Variants in TFEC observed in about 807,000 individuals in gnomAD.
The protein encoded by TFEC is class E basic helix-loop-helix protein 34.
In TFEC, 31 loss-of-function variants were observed where a neutral mutation model predicts 41.6. The ratio of observed to expected loss-of-function variants is 0.74; its 90% confidence interval spans 0.56 to 1.01. The LOEUF (loss-of-function observed/expected upper bound fraction) is 1.01, where lower values mean the gene tolerates loss of function less well. TFEC is among the 50% of genes least tolerant of loss of function. TFEC has a pLI of 0.00. For missense variants in TFEC, 402 were observed against 404.1 expected, an observed-to-expected ratio of 0.99 and a Z score of 0.04; for synonymous variants, 143 against 140.6, an observed-to-expected ratio of 1.02 and a Z score of -0.12.
At chr7:115,954,044 T>C (rs1792086427) in intron 5 of TFEC, among the ~76,000 whole-genome samples, 1 of 152,080 alleles carries the variant, frequency 6.6e-6, no homozygotes, top group Admixed American at 6.6e-5. Context: ...AATCTACTTT[T>C]CTTGCCCGAT....
At position 115,938,298 on chromosome 7, in the gene TFEC, G is replaced by A. The variant is rs992193374; in HGVS notation, c.*2253C>T. ...AAGCCAGTCTCTATCTAATAAAGTG[G>A]TGTGTTTTCTATGAACTCCAAAATA... On this transcript the variant is annotated 3_prime_UTR_variant, in exon 8 of 8. Coordinates refer to ENST00000265440, the MANE Select transcript of TFEC (RefSeq NM_012252.4). 1.3e-5 allele frequency: 2 copies of A among 151,912 alleles called. No homozygotes were observed. Among genetic ancestry groups the A allele is most frequent in the African/African-American group, 4.8e-5 (2 of 41,430 alleles). The allele number at this position is 151,912 out of a possible 1,614,324, so 9.4% of individuals were successfully genotyped here.
chr7:116,092,351 G>C (rs151192339), intron 3 of TFEC, among the ~76,000 whole-genome samples: 1 of 152,154 alleles, frequency 6.6e-6, no homozygotes, highest in Non-Finnish European at 1.5e-5. Context: ...GACTCCATTT[G>C]ATTAGCTGTA....
chr7:116,106,242 G>T (rs1797714019), intron 3 of TFEC, among the ~76,000 whole-genome samples: 1 of 152,054 alleles, frequency 6.6e-6, no homozygotes, highest in Admixed American at 6.6e-5. Flanking sequence ...ACATTACAAG[G>T]TCTCATGAAG....
At chr7:116,093,735 G>A (rs927940956) in intron 3 of TFEC, among the ~76,000 whole-genome samples, 3 of 152,000 alleles carry the variant, frequency 2.0e-5, no homozygotes, top group African/African-American at 7.3e-5. Flanking sequence ...CCAAAGTTCC[G>A]ATAGGGAAAG....
chr7:115,950,828 G>A (rs541455458), intron 6 of TFEC, 46 bp downstream of exon 6: 2 of 1,424,202 alleles, frequency 1.4e-6, no homozygotes, highest in Non-Finnish European at 1.9e-6. Flanking sequence ...TCATTTTGGG[G>A]GTCTTTAAAT....
At chr7:116,047,357 T>C (rs6976839) in intron 3 of TFEC, among the ~76,000 whole-genome samples, 29,266 of 152,124 alleles carry the variant, frequency 0.19, 2,849 homozygotes, top group East Asian at 0.32. Context: ...GATTATATCC[T>C]GCACCTGGCT....
At chr7:115,971,339 G>A (rs942220669) in intron 3 of TFEC, among the ~76,000 whole-genome samples, 1 of 151,012 alleles carries the variant, frequency 6.6e-6, no homozygotes, top group Non-Finnish European at 1.5e-5. Context: ...TTGAGAATCA[G>A]AAAATCCTGA....
intron 6 of TFEC, among the ~76,000 whole-genome samples, chr7:115,946,462 C>A (rs1327862906): frequency 1.3e-5 from 2 of 149,180 alleles, no homozygotes; most frequent in African/African-American, 4.9e-5. Context: ...ACCACCCAGG[C>A]TGGAATGCAG....
intron 2 of TFEC, among the ~76,000 whole-genome samples, chr7:115,981,805 C>T (rs112300876): frequency 6.6e-6 from 1 of 151,758 alleles, no homozygotes; most frequent in Non-Finnish European, 1.5e-5. Flanking sequence ...ATTATCCAGA[C>T]AAACGGTCAT....
At chr7:116,099,488 A>G (rs1797554788) in intron 3 of TFEC, among the ~76,000 whole-genome samples, 1 of 152,224 alleles carries the variant, frequency 6.6e-6, no homozygotes, top group African/African-American at 2.4e-5. Flanking sequence ...AAGGGACAAC[A>G]TACAAGTAGA....
intron 7 of TFEC, 91 bp downstream of exon 7, chr7:115,941,802 A>C: frequency 6.8e-7 from 1 of 1,480,914 alleles, no homozygotes; most frequent in Non-Finnish European, 9.1e-7. Flanking sequence ...ATTGTTAATA[A>C]GAGAAAAAAT....
chr7:116,134,076 G>C (rs1798388523), intron 1 of TFEC, among the ~76,000 whole-genome samples: 3 of 152,180 alleles, frequency 2.0e-5, no homozygotes, highest in African/African-American at 7.2e-5. Context: ...CTAGGTCTTT[G>C]TAGAAAAATT....
intron 3 of TFEC, among the ~76,000 whole-genome samples, chr7:115,958,537 C>G (rs1792357527): frequency 6.6e-6 from 1 of 151,690 alleles, no homozygotes; most frequent in Non-Finnish European, 1.5e-5. Context: ...GAAGAAGTGG[C>G]AAGTTGCAGA....
chr7:116,158,147 T>C lies in TFEC; in HGVS notation c.-69+1643A>G, dbSNP rs958660469. ...AACTGAATAACTACCCAAACTTTTG[T>C]TTTTGAAAACTTAACACATTTTTGG... is the stretch of plus-strand genomic sequence containing the variant. On this transcript the variant is annotated intron_variant, in intron 1 of 8. Coordinates refer to the TFEC transcript ENST00000484212. Among the ~76,000 whole-genome samples, 10 of 152,286 alleles carry C rather than the reference T, an allele frequency of 6.6e-5. No individual in the cohort carries two copies. In the South Asian group the frequency reaches 1.7e-3, roughly 25 times the overall value.
rs1342909394 is a variant in TFEC, at chr7:115,935,491, C to T, written c.*5060G>A. ...GCTGAATTAATTTTAGCCTTGTATG[C>T]CATAAGCAACTGCTATGCTGTTAGA... On this transcript the variant is annotated 3_prime_UTR_variant, in exon 8 of 8. Transcript: ENST00000265440. 1 of 151,968 alleles carries T rather than the reference C, an allele frequency of 6.6e-6. No homozygotes were observed. Among genetic ancestry groups the T allele is most frequent in the Non-Finnish European group, 1.5e-5 (1 of 67,616 alleles). The allele number at this position is 151,968 out of a possible 1,614,324, so 9.4% of individuals were successfully genotyped here. A position where few individuals can be genotyped will look rare whatever the true frequency, so the allele number is the denominator to read the frequency against.
intron 1 of TFEC, among the ~76,000 whole-genome samples, chr7:116,113,108 C>T (rs1797893920): frequency 6.6e-6 from 1 of 151,966 alleles, no homozygotes; most frequent in Admixed American, 6.6e-5. Context: ...TGTGCTTCCT[C>T]TTACTTTAAT....
rs185691826 is a variant in TFEC at position 116,041,096 on chromosome 7, T to A, written c.199-56583A>T. The stretch of plus-strand genomic sequence containing the variant: ...AAGGATCGGTTAAAAGTTTGCTAAC[T>A]GAACTATTTCCCACAGTGTAAATAA... On this transcript the variant is annotated intron_variant, in intron 3 of 8. Transcript: ENST00000484212. Among the ~76,000 whole-genome samples, 563 of 152,268 alleles carry A rather than the reference T, an allele frequency of 3.7e-3. 3 individuals are homozygous for A. Among genetic ancestry groups the A allele is most frequent in the African/African-American group, 0.013 (544 of 41,558 alleles).
chr7:116,080,203 C>T (rs1388912643), intron 3 of TFEC, among the ~76,000 whole-genome samples: 1 of 152,010 alleles, frequency 6.6e-6, no homozygotes, highest in African/African-American at 2.4e-5. Context: ...GGACTTAAAT[C>T]CAAGATCTGA....
At chr7:116,129,657 A>C (rs954511788) in intron 1 of TFEC, among the ~76,000 whole-genome samples, 4 of 127,488 alleles carry the variant, frequency 3.1e-5, no homozygotes, top group Non-Finnish European at 6.2e-5. Flanking sequence ...CAGTGGTGGG[A>C]TCTCAGCTCA....
Sources: gnomAD v4.1 joint callset for allele counts (sites outside exome capture counted in the v4.1 genomes callset) on GRCh38, gnomAD v4.1.1 for gene constraint, MANE v1.5 for transcripts, NCBI Gene and HGNC (gene_info 2026-07-23, HGNC 2026-07-21) for gene names.